RUNX1T1: variants seen among roughly 807,000 people sequenced by gnomAD.
RUNX1T1 encodes RUNX1 partner transcriptional co-repressor 1.
A neutral mutation model predicts 62.8 loss-of-function variants in RUNX1T1; 4 were observed. That is an observed-to-expected ratio of 0.06 (90% CI 0.03 to 0.15). The LOEUF (loss-of-function observed/expected upper bound fraction) is 0.15. RUNX1T1 is among the 10% of genes least tolerant of loss of function. The pLI is 1.00. For missense variants in RUNX1T1, 508 were observed against 754.3 expected (o/e 0.67, Z 3.82); for synonymous variants, 291 against 286.0 (o/e 1.02, Z -0.18).
intron 8 of RUNX1T1, among the ~76,000 whole-genome samples, chr8:91,985,455 A>C (rs956928823): frequency 6.6e-6 from 1 of 152,184 alleles, no homozygotes; most frequent in African/African-American, 2.4e-5. Context: ...CTATATTATG[A>C]GTCCTATTAT....
chr8:92,015,414 C>G (rs1385523841), intron 2 of RUNX1T1, among the ~76,000 whole-genome samples: 1 of 152,092 alleles, frequency 6.6e-6, no homozygotes, highest in African/African-American at 2.4e-5. Context: ...TGTACAAAGC[C>G]AAAATGGATA....
At chr8:92,009,207 G>A (rs1045090047) in intron 4 of RUNX1T1, among the ~76,000 whole-genome samples, 1 of 152,182 alleles carries the variant, frequency 6.6e-6, no homozygotes, top group African/African-American at 2.4e-5. Context: ...TAATTCTGGT[G>A]CCAGATTAGG....
intron 10 of RUNX1T1, among the ~76,000 whole-genome samples, chr8:91,964,401 G>A (rs1811152376): frequency 6.6e-6 from 1 of 152,044 alleles, no homozygotes; most frequent in Non-Finnish European, 1.5e-5. Flanking sequence ...AAATCGATGT[G>A]TAATAAATTT....
intron 4 of RUNX1T1, among the ~76,000 whole-genome samples, chr8:92,008,008 G>A (rs1458505284): frequency 1.3e-5 from 2 of 149,636 alleles, no homozygotes; most frequent in African/African-American, 4.9e-5. Context: ...AAAAGAAAAG[G>A]ACACAATAAA....
intron 1 of RUNX1T1, among the ~76,000 whole-genome samples, chr8:92,056,051 T>C (rs139374419): frequency 4.6e-5 from 7 of 152,200 alleles, no homozygotes; most frequent in African/African-American, 1.4e-4. Flanking sequence ...AATGCAGGAG[T>C]ATATAAATTG....
chr8:91,994,457 C>T (rs1818293091), intron 5 of RUNX1T1: 1 of 311,404 alleles, frequency 3.2e-6, no homozygotes, highest in East Asian at 5.9e-5. Context: ...CTATTAGTGG[C>T]TATGAACGTA....
At chr8:91,959,765 C>T in exon 11 of RUNX1T1, 1 of 245,496 alleles carries the variant, frequency 4.1e-6, no homozygotes, top group Non-Finnish European at 8.1e-6. Context: ...ACTGCTGTAT[C>T]CAATGCTCAT....
intron 1 of RUNX1T1, among the ~76,000 whole-genome samples, chr8:92,087,548 C>T (rs1268267399): frequency 6.6e-6 from 1 of 152,144 alleles, no homozygotes; most frequent in Non-Finnish European, 1.5e-5. Flanking sequence ...TCACTTGCTG[C>T]ACCATTTAAT....
intron 1 of RUNX1T1, among the ~76,000 whole-genome samples, chr8:92,096,710 T>C (rs567798010): frequency 6.6e-6 from 1 of 152,136 alleles, no homozygotes; most frequent in African/African-American, 2.4e-5. Flanking sequence ...GTGTGCACTG[T>C]AGCCCTAGCT....
chr8:92,042,906 G>A (rs1164124882), intron 1 of RUNX1T1, among the ~76,000 whole-genome samples: 1 of 152,130 alleles, frequency 6.6e-6, no homozygotes, highest in Non-Finnish European at 1.5e-5. Flanking sequence ...AGCTGTGTTT[G>A]GATTCAAGCA....
At position 92,022,203 on chromosome 8, in the gene RUNX1T1, A is replaced by C. The variant is rs183699637; in HGVS notation, c.8-4840T>G. On this transcript the variant is annotated intron_variant, in intron 1 of 10. Coordinates refer to ENST00000396218, the Ensembl canonical transcript of RUNX1T1. ...GATAGTTACATTTCTAACTATTAGA[A>C]ATCCATTCCCTATATTATTATCCGT... 6.4e-4 allele frequency among the ~76,000 whole-genome samples: 97 copies of C among 152,204 alleles called. No homozygotes were observed. In the East Asian group the frequency reaches 0.014, roughly 22 times the overall value.
At chr8:91,981,453 C>T (rs1283194731) in intron 8 of RUNX1T1, among the ~76,000 whole-genome samples, 4 of 123,202 alleles carry the variant, frequency 3.2e-5, no homozygotes, top group African/African-American at 1.3e-4. Context: ...CTCGCTCTGT[C>T]CTCCAGGCTG....
intron 1 of RUNX1T1, among the ~76,000 whole-genome samples, chr8:92,058,473 C>T (rs900595787): frequency 2.6e-5 from 4 of 152,118 alleles, no homozygotes; most frequent in South Asian, 2.1e-4. Context: ...ACGATGAGAG[C>T]GATCCAGGAC....
At chr8:91,998,891 A>C (rs2130956002) in intron 5 of RUNX1T1, among the ~76,000 whole-genome samples, 1 of 152,234 alleles carries the variant, frequency 6.6e-6, no homozygotes, top group South Asian at 2.1e-4. Flanking sequence ...GCATTTTTTA[A>C]CTAAACAAAA....
intron 10 of RUNX1T1, among the ~76,000 whole-genome samples, chr8:91,961,959 T>C (rs1810549962): frequency 6.6e-6 from 1 of 152,348 alleles, no homozygotes; most frequent in Admixed American, 6.5e-5. Flanking sequence ...CTACATTTGC[T>C]TTGCTTCCAG....
chr8:91,960,264 G>A, exon 11 of RUNX1T1: 1 of 1,609,722 alleles, frequency 6.2e-7, no homozygotes, highest in African/African-American at 1.3e-5. Flanking sequence ...TGTCTCTATG[G>A]TGGAAGGGGT....
chr8:92,082,896 G>C (rs546147778), intron 1 of RUNX1T1, among the ~76,000 whole-genome samples: 33 of 143,694 alleles, frequency 2.3e-4, no homozygotes, highest in African/African-American at 9.5e-4. Context: ...AGAGAGGAGG[G>C]AGAGAAGGAG....
chr8:92,003,951 T>C (rs1194975194), intron 5 of RUNX1T1, among the ~76,000 whole-genome samples: 1 of 152,214 alleles, frequency 6.6e-6, no homozygotes, highest in African/African-American at 2.4e-5. Context: ...TTTAAACTAT[T>C]AAGAGGTTCT....
intron 7 of RUNX1T1, 117 bp from the exon 9 acceptor site, chr8:91,986,442 G>A: frequency 1.3e-6 from 1 of 758,002 alleles, no homozygotes; most frequent in South Asian, 1.7e-5. Context: ...ATCCCTGAAG[G>A]TTTCAGTCTA....
Sources: gnomAD v4.1 joint callset for allele counts (sites outside exome capture counted in the v4.1 genomes callset) on GRCh38, gnomAD v4.1.1 for gene constraint, MANE v1.5 for transcripts, NCBI Gene and HGNC (gene_info 2026-07-23, HGNC 2026-07-21) for gene names.